Variants in ABCA13 observed in about 807,000 individuals in gnomAD.
ABCA13 encodes the protein ATP-binding cassette sub-family A member 13.
ABCA13 carries 476 observed loss-of-function variants against 478.7 expected under a neutral mutation model. The observed-to-expected ratio is 0.99, with a 90% CI of 0.92 to 1.07. The LOEUF (loss-of-function observed/expected upper bound fraction) is 1.07. Ranked by LOEUF, ABCA13 falls within the 50% of genes least tolerant of loss-of-function variation. The pLI is 0.00. For missense variants in ABCA13, 6,060 were observed against 5,910.6 expected, an observed-to-expected ratio of 1.03 and a Z score of -0.83; for synonymous variants, 2,252 against 2,158.9, an observed-to-expected ratio of 1.04 and a Z score of -1.20.
chr7:48,635,472 C>A (rs1039011316), intron 59 of ABCA13, among the ~76,000 whole-genome samples: 1 of 152,128 alleles, frequency 6.6e-6, no homozygotes, highest in Non-Finnish European at 1.5e-5. Context: ...CATGTGGAAA[C>A]CCCACACCAT....
In ABCA13 at chr7:48,372,243, A is replaced by C; in HGVS notation, c.10879A>C (p.Ile3627Leu). Residue 3627 changes from isoleucine (I) to leucine (L), a missense_variant, in exon 33 of 62, where the codon ATA becomes CTA. Physicochemically the swap from Ile to Leu is conservative, Grantham distance 5. This residue lies in a region of ABCA13 where 4,423 missense variants were observed against 4,309.1 expected (regional missense o/e 1.03). Transcript: ENST00000435803. ...WFLENMAVLT[I>L]SSATLAIVLK... ...CCTGGAGAACATGGCTGTGTTGACCATAAGCAGTGCTACTCTGGCCATCGT... is the reference window on the plus strand; with the variant it reads ...CCTGGAGAACATGGCTGTGTTGACCCTAAGCAGTGCTACTCTGGCCATCGT... 6.2e-7 allele frequency: 1 copy of C among 1,613,966 alleles called. No individual in the cohort carries two copies. The highest frequency in any genetic ancestry group is 8.5e-7 in the Non-Finnish European group (1 of 1,179,862).
chr7:48,535,261 T>C (rs1379943573), intron 55 of ABCA13, among the ~76,000 whole-genome samples: 2 of 152,120 alleles, frequency 1.3e-5, no homozygotes, highest in African/African-American at 4.8e-5. Flanking sequence ...AGCCCAACTG[T>C]AGTGATTGTT....
chr7:48,369,053 T>G (rs1396899020), intron 32 of ABCA13, among the ~76,000 whole-genome samples: 2 of 152,110 alleles, frequency 1.3e-5, no homozygotes, highest in Non-Finnish European at 2.9e-5. Flanking sequence ...ACCGCATCCA[T>G]GCCAACATCG....
At position 48,352,473 on chromosome 7, in the gene ABCA13, C is replaced by T. The variant is rs774551950; in HGVS notation, c.10674C>T (p.Cys3558=). The change falls in exon 31 of 62, where the codon TGC becomes TGT. Residue 3558 remains cysteine (C), a synonymous_variant. Coordinates refer to ENST00000435803, the MANE Select transcript of ABCA13 (RefSeq NM_152701.5). ...AAQTQAAPYP[C]HTSDLFLNNV... ...AGACTCAGGCGGCCCCTTACCCCTGCCATACCAGCGACCTGTGAGTAGCCT... is the reference window on the plus strand; with the variant it reads ...AGACTCAGGCGGCCCCTTACCCCTGTCATACCAGCGACCTGTGAGTAGCCT... The T allele has an allele frequency of 6.2e-7, 1 of 1,604,296 alleles. No individual in the cohort carries two copies. Among genetic ancestry groups the T allele is most frequent in the Non-Finnish European group, 8.5e-7 (1 of 1,174,002 alleles).
intron 45 of ABCA13, among the ~76,000 whole-genome samples, chr7:48,476,541 G>A (rs1009629900): frequency 2.0e-5 from 3 of 151,994 alleles, no homozygotes; most frequent in Admixed American, 2.0e-4. Flanking sequence ...GGGGAGCGGG[G>A]AGCTAGGAGG....
rs2131438425 is a variant in ABCA13, at chr7:48,594,630, G to GGTC, written c.14641-79_14641-77dup. 3 of 1,324,216 alleles carry GGTC rather than the reference G, an allele frequency of 2.3e-6. No individual in the cohort carries two copies. In the East Asian group the frequency reaches 7.0e-5, roughly 31 times the overall value. 82.0% of individuals were successfully genotyped at this position (1,324,216 alleles called of 1,614,324 possible). A position where few individuals can be genotyped will look rare whatever the true frequency, so the allele number is the denominator to read the frequency against. On this transcript the variant is annotated intron_variant, in intron 57 of 61. Coordinates refer to ENST00000435803, the MANE Select transcript of ABCA13 (RefSeq NM_152701.5). ...GAGCAGAGATTTTTCTTTCACCTGG[G>GGTC]GTCTGGCCTCCCATGTCATTGTGTA...
chr7:48,417,159 C>G (rs1430347291), intron 41 of ABCA13, among the ~76,000 whole-genome samples: 1 of 152,188 alleles, frequency 6.6e-6, no homozygotes, highest in Non-Finnish European at 1.5e-5. Flanking sequence ...GATCCCCCAG[C>G]TTTTCCATAG....
intron 55 of ABCA13, among the ~76,000 whole-genome samples, chr7:48,556,376 A>T (rs1304564036): frequency 6.6e-6 from 1 of 151,970 alleles, no homozygotes; most frequent in Non-Finnish European, 1.5e-5. Context: ...TGTTTATAAT[A>T]TCTGTTCAGT....
rs1165862315 is a variant in ABCA13 at position 48,275,361 on chromosome 7, ATTC to A, written c.5700_5702del (p.Leu1901del). On this transcript the variant is annotated inframe_deletion, in exon 17 of 62. Transcript: ENST00000435803. ...TCATGAATTAGTGGACTGGAATTCT[ATTC>A]TTCTGGAGCTCTCTGAAGTCTTCCA... 4 of 1,613,960 alleles carry A rather than the reference ATTC, an allele frequency of 2.5e-6. No homozygotes were observed. The highest frequency in any genetic ancestry group is 2.5e-6 in the Non-Finnish European group (3 of 1,179,866).
At chr7:48,396,260 G>C (rs1326435505) in intron 38 of ABCA13, among the ~76,000 whole-genome samples, 3 of 152,256 alleles carry the variant, frequency 2.0e-5, no homozygotes. Context: ...GAAGCCCCTT[G>C]TGGGCTCTCT....
At chr7:48,355,105 A>C (rs1809679166) in intron 31 of ABCA13, among the ~76,000 whole-genome samples, 1 of 151,176 alleles carries the variant, frequency 6.6e-6, no homozygotes, top group South Asian at 2.1e-4. Context: ...CCAGGGAAGC[A>C]GAGGTGCCAC....
At chr7:48,348,787 C>A (rs1808494501) in intron 29 of ABCA13, among the ~76,000 whole-genome samples, 2 of 152,272 alleles carry the variant, frequency 1.3e-5, no homozygotes, top group South Asian at 4.1e-4. Context: ...CAGAGCCCTA[C>A]AATATTTGGT....
At position 48,248,058 on chromosome 7, in the gene ABCA13, C is replaced by T. The variant is rs951336632; in HGVS notation, c.1660-181C>T. ...TTATTTTTGGACTTATTAACCTGAA[C>T]ATGAGTAAAGATTCAAGTCTAGAAC... On this transcript the variant is annotated intron_variant, in intron 13 of 61. Coordinates refer to ENST00000435803, the MANE Select transcript of ABCA13 (RefSeq NM_152701.5). Among the ~76,000 whole-genome samples, 5 of 152,282 alleles carry T rather than the reference C, an allele frequency of 3.3e-5. No individual in the cohort carries two copies. The East Asian group carries it at 9.6e-4, about 29-fold the overall frequency.
intron 45 of ABCA13, among the ~76,000 whole-genome samples, chr7:48,477,990 A>G (rs1484030759): frequency 1.3e-5 from 2 of 151,930 alleles, no homozygotes; most frequent in Non-Finnish European, 2.9e-5. Context: ...TCTAATGGAA[A>G]ACACCATTTT....
chr7:48,236,225 A>G (rs1488127659), intron 8 of ABCA13, among the ~76,000 whole-genome samples: 2 of 152,156 alleles, frequency 1.3e-5, no homozygotes, highest in Non-Finnish European at 2.9e-5. Flanking sequence ...TATATGGTGA[A>G]TGAGTTATCC....
intron 59 of ABCA13, among the ~76,000 whole-genome samples, chr7:48,638,126 C>A (rs972508371): frequency 1.3e-5 from 2 of 152,094 alleles, no homozygotes; most frequent in African/African-American, 4.8e-5. Flanking sequence ...CTCTTAGATG[C>A]GAAGTCAGAG....
intron 58 of ABCA13, among the ~76,000 whole-genome samples, chr7:48,609,820 C>A (rs1483223803): frequency 1.3e-5 from 2 of 152,046 alleles, no homozygotes; most frequent in South Asian, 2.1e-4. Flanking sequence ...TGTTAACAAC[C>A]AGATCTCATG....
intron 3 of ABCA13, among the ~76,000 whole-genome samples, chr7:48,204,875 G>A (rs1229008047): frequency 6.6e-6 from 1 of 152,172 alleles, no homozygotes. Flanking sequence ...TGGAGAGCTG[G>A]CCCAGGAGGG....
chr7:48,410,486 T>C (rs370394386), intron 39 of ABCA13, 34 bp from the exon 40 acceptor site: 3 of 1,613,572 alleles, frequency 1.9e-6, no homozygotes, highest in African/African-American at 2.7e-5. Context: ...GCCTTTGTCC[T>C]CCTGGTGCTG....
Sources: allele counts gnomAD v4.1 joint callset (sites outside exome capture counted in the v4.1 genomes callset), GRCh38; gene constraint gnomAD v4.1.1; regional missense constraint gnomAD v4.1.1; transcripts MANE v1.5; gene names NCBI Gene and HGNC (gene_info 2026-07-23, HGNC 2026-07-21).